GRIA2: variants seen among roughly 807,000 people sequenced by gnomAD.
GRIA2 encodes glutamate ionotropic receptor AMPA type subunit 2.
A neutral mutation model predicts 97.3 loss-of-function variants in GRIA2; 14 were observed. The ratio of observed to expected loss-of-function variants is 0.14; its 90% CI spans 0.10 to 0.23. GRIA2 has a LOEUF of 0.23. Among genes scored for constraint, GRIA2 ranks in the 10% least tolerant of loss-of-function variants. GRIA2 has a pLI of 1.00. For synonymous variants in GRIA2, 412 were observed against 387.8 expected (o/e 1.06, Z -0.73); for missense variants, 558 against 1,069.8 (o/e 0.52, Z 6.67).
At chr4:157,223,668 A>C (rs1729611553) in intron 2 of GRIA2, among the ~76,000 whole-genome samples, 1 of 152,184 alleles carries the variant, frequency 6.6e-6, no homozygotes. Context: ...ATGCTTTGAA[A>C]AGTAATGACT....
At chr4:157,250,313 A>G (rs777888482) in intron 2 of GRIA2, among the ~76,000 whole-genome samples, 1 of 152,150 alleles carries the variant, frequency 6.6e-6, no homozygotes, top group Non-Finnish European at 1.5e-5. Context: ...TAAGCAAATT[A>G]TTATATCTTA....
At chr4:157,332,756 C>A in intron 6 of GRIA2, 63 bp from the exon 7 acceptor site, 3 of 1,232,836 alleles carry the variant, frequency 2.4e-6, no homozygotes, top group Admixed American at 1.8e-5. Context: ...GTCTTGATTG[C>A]TGGGGTGCAG....
intron 2 of GRIA2, among the ~76,000 whole-genome samples, chr4:157,298,310 T>C (rs1350357681): frequency 6.6e-6 from 1 of 152,060 alleles, no homozygotes; most frequent in Non-Finnish European, 1.5e-5. Flanking sequence ...GCATAGTAGG[T>C]TCTTAAAAGT....
intron 2 of GRIA2, among the ~76,000 whole-genome samples, chr4:157,300,075 G>T (rs1053423350): frequency 6.6e-6 from 1 of 151,688 alleles, no homozygotes; most frequent in Non-Finnish European, 1.5e-5. Context: ...TTTATGACAC[G>T]TTATTTCTGA....
chr4:157,340,137 A>G (rs1157410293), intron 11 of GRIA2, among the ~76,000 whole-genome samples: 1 of 151,830 alleles, frequency 6.6e-6, no homozygotes. Flanking sequence ...TGTTTGATCT[A>G]GAATATGTTT....
At chr4:157,231,791 A>G (rs1730031117) in intron 2 of GRIA2, among the ~76,000 whole-genome samples, 1 of 152,202 alleles carries the variant, frequency 6.6e-6, no homozygotes, top group South Asian at 2.1e-4. Context: ...CTGGTATTAT[A>G]TTTCTATTTC....
intron 12 of GRIA2, among the ~76,000 whole-genome samples, chr4:157,357,890 C>T (rs1736462853): frequency 6.6e-6 from 1 of 151,906 alleles, no homozygotes; most frequent in African/African-American, 2.4e-5. Context: ...ATGAATGAAA[C>T]AGAAAATGTT....
intron 2 of GRIA2, among the ~76,000 whole-genome samples, chr4:157,223,642 G>A (rs925545337): frequency 2.0e-5 from 3 of 152,170 alleles, no homozygotes; most frequent in Admixed American, 2.0e-4. Flanking sequence ...GTGTGTAATT[G>A]TATACTTATG....
intron 2 of GRIA2, among the ~76,000 whole-genome samples, chr4:157,222,493 T>C (rs1729544799): frequency 6.6e-6 from 1 of 150,672 alleles, no homozygotes; most frequent in Admixed American, 6.6e-5. Flanking sequence ...GGGGAGGCGG[T>C]GGAAAGGGGG....
intron 2 of GRIA2, among the ~76,000 whole-genome samples, chr4:157,277,196 T>A (rs998932100): frequency 7.2e-5 from 11 of 151,858 alleles, no homozygotes; most frequent in Non-Finnish European, 1.5e-4. Context: ...ACACCACAGC[T>A]GTGAGATTTG....
chr4:157,315,116 A>T (rs1309458831), intron 4 of GRIA2, among the ~76,000 whole-genome samples: 1 of 152,186 alleles, frequency 6.6e-6, no homozygotes, highest in Admixed American at 6.5e-5. Flanking sequence ...TTGTTCAGTA[A>T]ATATTCCCTG....
intron 6 of GRIA2, 99 bp from the exon 7 acceptor site, chr4:157,332,720 A>G (rs1735110349): frequency 5.4e-6 from 4 of 734,472 alleles, no homozygotes; most frequent in Non-Finnish European, 9.0e-6. Flanking sequence ...GGACTTTTAA[A>G]TGGTATTGTG....
At chr4:157,328,805 T>C (rs189840334) in intron 6 of GRIA2, among the ~76,000 whole-genome samples, 145 of 152,168 alleles carry the variant, frequency 9.5e-4, no homozygotes, top group African/African-American at 3.3e-3. Context: ...TTTACATTTA[T>C]TCCTTTTACC....
rs1354115821 is a variant in GRIA2 at position 157,256,275 on chromosome 4, G to GTTATATATTACATATATTATATATAATA, written c.229+34486_229+34513dup. Among the ~76,000 whole-genome samples the GTTATATATTACATATATTATATATAATA allele has an allele frequency of 2.5e-4, 30 of 120,030 alleles. 1 individual carries two copies. The highest frequency in any genetic ancestry group is 1.1e-3 in the Admixed American group (12 of 11,304). The allele number at this position is 120,030 out of a possible 152,430, so 78.7% of individuals were successfully genotyped here. On this transcript the variant is annotated intron_variant, in intron 2 of 15. Coordinates refer to ENST00000264426, the MANE Select transcript of GRIA2 (RefSeq NM_001083619.3). ...TATAAATTATATATTACATATATATGTTATATATTACATATATTATATATA... is the reference window on the plus strand; with the variant it reads ...TATAAATTATATATTACATATATATGTTATATATTACATATATTATATATAATATTATATATTACATATATTATATATA...
intron 12 of GRIA2, among the ~76,000 whole-genome samples, chr4:157,354,191 G>A (rs1393569600): frequency 6.6e-6 from 1 of 152,110 alleles, no homozygotes; most frequent in Non-Finnish European, 1.5e-5. Context: ...TTACCATTAA[G>A]TTTTTAATTT....
At chr4:157,273,846 A>T (rs1394113614) in intron 2 of GRIA2, among the ~76,000 whole-genome samples, 2 of 152,092 alleles carry the variant, frequency 1.3e-5, no homozygotes, top group Non-Finnish European at 2.9e-5. Context: ...AGTGTCAGAC[A>T]TTAGACTACA....
At chr4:157,232,873 G>T (rs1172607689) in intron 2 of GRIA2, among the ~76,000 whole-genome samples, 1 of 152,154 alleles carries the variant, frequency 6.6e-6, no homozygotes, top group Non-Finnish European at 1.5e-5. Context: ...TGTACTAGAT[G>T]TATGACATTG....
At chr4:157,254,827 T>G (rs900445349) in intron 2 of GRIA2, among the ~76,000 whole-genome samples, 1 of 152,064 alleles carries the variant, frequency 6.6e-6, no homozygotes, top group East Asian at 1.9e-4. Context: ...TGGTGAAAAT[T>G]TGAATTTAAC....
At chr4:157,298,400 G>C (rs1230760547) in intron 2 of GRIA2, among the ~76,000 whole-genome samples, 1 of 151,994 alleles carries the variant, frequency 6.6e-6, no homozygotes, top group Non-Finnish European at 1.5e-5. Flanking sequence ...GAAAGGGCAA[G>C]AAGGTCATTA....
Sources: gnomAD v4.1 joint callset for allele counts (sites outside exome capture counted in the v4.1 genomes callset) on GRCh38, gnomAD v4.1.1 for gene constraint, MANE v1.5 for transcripts, NCBI Gene and HGNC (gene_info 2026-07-23, HGNC 2026-07-21) for gene names.